The following GALNT18 variants were observed in gnomAD, a reference collection of about 807,000 sequenced individuals.
GALNT18 encodes the protein GalNAc-transferase 18.
A neutral mutation model predicts 69.5 loss-of-function variants in GALNT18; 44 were observed. The ratio of observed to expected loss-of-function variants is 0.63; its 90% CI spans 0.50 to 0.81. The LOEUF is 0.81. GALNT18 is among the 40% of genes least tolerant of loss of function. The pLI, the probability that GALNT18 is intolerant of heterozygous loss-of-function variation, is 0.00. For missense variants in GALNT18, 715 were observed against 810.0 expected (o/e 0.88, Z 1.42); for synonymous variants, 364 against 318.2 (o/e 1.14, Z -1.53).
At chr11:11,271,315 G>T in intron 10 of GALNT18, 25 bp from the exon 11 acceptor site, 1 of 1,607,548 alleles carries the variant, frequency 6.2e-7, no homozygotes, top group Non-Finnish European at 8.5e-7. Context: ...AGACAGTGGG[G>T]TCAGAGGGCA....
intron 1 of GALNT18, among the ~76,000 whole-genome samples, chr11:11,456,703 T>G (rs1306462272): frequency 6.6e-6 from 1 of 152,196 alleles, no homozygotes; most frequent in Non-Finnish European, 1.5e-5. Context: ...TGGGCCCCTG[T>G]GAATGAGAGT....
At chr11:11,481,501 G>C in intron 1 of GALNT18, among the ~76,000 whole-genome samples, 1 of 152,234 alleles carries the variant, frequency 6.6e-6, no homozygotes, top group East Asian at 1.9e-4. Context: ...ACTCAGTGTA[G>C]AGCACATGCC....
chr11:11,442,074 G>A lies in GALNT18; in HGVS notation c.428+6670C>T, dbSNP rs138068155. On this transcript the variant is annotated intron_variant, in intron 2 of 10. Coordinates refer to ENST00000227756, the MANE Select transcript of GALNT18 (RefSeq NM_198516.3). ...CAGAAGTCCAACACAGTTCTCGCTG[G>A]GCTGGAATCGGGGTGTGCAGCACTG... Among the ~76,000 whole-genome samples, 6 of 152,250 alleles carry A rather than the reference G, an allele frequency of 3.9e-5. No homozygotes were observed. The East Asian group carries it at 1.2e-3, about 29-fold the overall frequency.
chr11:11,355,388 A>G (rs1402841934), intron 6 of GALNT18, among the ~76,000 whole-genome samples: 1 of 152,128 alleles, frequency 6.6e-6, no homozygotes, highest in East Asian at 1.9e-4. Flanking sequence ...ACTATATTGG[A>G]GATGGGGCAT....
chr11:11,368,723 CT>C (rs558638613), intron 6 of GALNT18, among the ~76,000 whole-genome samples: 1 of 152,024 alleles, frequency 6.6e-6, no homozygotes, highest in Non-Finnish European at 1.5e-5. Flanking sequence ...TAGTGTCTTG[CT>C]TCTTATTCAT....
At chr11:11,484,163 G>A (rs774033754) in intron 1 of GALNT18, among the ~76,000 whole-genome samples, 7 of 152,108 alleles carry the variant, frequency 4.6e-5, no homozygotes, top group East Asian at 1.9e-4. Flanking sequence ...ATCAAAATTC[G>A]CCTAGCTGCT....
intron 6 of GALNT18, among the ~76,000 whole-genome samples, chr11:11,364,586 T>C (rs557716579): frequency 6.6e-6 from 1 of 150,912 alleles, no homozygotes; most frequent in African/African-American, 2.5e-5. Flanking sequence ...AGATATTCAG[T>C]AGATTATGGA....
At position 11,543,791 on chromosome 11, in the gene GALNT18, G is replaced by A. The variant is rs1857980560; in HGVS notation, c.235+77568C>T. On this transcript the variant is annotated intron_variant, in intron 1 of 10. Transcript: ENST00000227756. The surrounding 1 kb of genome is among the most constrained non-coding windows in gnomAD (Gnocchi z 5.1). ...GTGATGTGACTGGGGCCCCGAATGT[G>A]CCACGGTGGGTGGGTGTGGTTATTG... Among the ~76,000 whole-genome samples, 1 of 152,210 alleles carries A rather than the reference G, an allele frequency of 6.6e-6. No homozygotes were observed. Among genetic ancestry groups the A allele is most frequent in the Non-Finnish European group, 1.5e-5 (1 of 68,050 alleles).
Position 11,372,499 on chromosome 11 carries a change from G to C in GALNT18, c.1092+16C>G, listed in dbSNP as rs1005053699. 5 of 1,606,476 alleles carry C rather than the reference G, an allele frequency of 3.1e-6. No homozygotes were observed. In the Admixed American group the frequency reaches 5.0e-5, roughly 16 times the overall value. On this transcript the variant is annotated intron_variant, in intron 6 of 10. Coordinates refer to ENST00000227756, the MANE Select transcript of GALNT18 (RefSeq NM_198516.3). This position sits in a 1 kb window ranked among gnomAD's most constrained non-coding sequence, Gnocchi z 4.9. Reference sequence around the variant, plus strand: ...GGGAGCTGAGCCGAGCAGTTTGAGTGAGAAACCCCACTCACCCTGATCCCA... The same window carrying C: ...GGGAGCTGAGCCGAGCAGTTTGAGTCAGAAACCCCACTCACCCTGATCCCA...
intron 9 of GALNT18, among the ~76,000 whole-genome samples, chr11:11,325,053 C>A (rs1466560082): frequency 6.6e-6 from 1 of 152,218 alleles, no homozygotes; most frequent in African/African-American, 2.4e-5. Flanking sequence ...GATGCATGCA[C>A]ATGCATGTTT....
intron 1 of GALNT18, among the ~76,000 whole-genome samples, chr11:11,464,431 G>T (rs1590026205): frequency 1.3e-5 from 2 of 152,150 alleles, no homozygotes; most frequent in Admixed American, 6.5e-5. Context: ...GCACCCTGAT[G>T]CACAGCCTGT....
Position 11,546,926 on chromosome 11 carries a change from T to C in GALNT18, c.235+74433A>G, listed in dbSNP as rs927664635. Among the ~76,000 whole-genome samples, 1 of 151,530 alleles carries C rather than the reference T, an allele frequency of 6.6e-6. No homozygotes were observed. The highest frequency in any genetic ancestry group is 6.6e-5 in the Admixed American group (1 of 15,212). On this transcript the variant is annotated intron_variant, in intron 1 of 10. Transcript: ENST00000227756. This position sits in a 1 kb window ranked among gnomAD's most constrained non-coding sequence, Gnocchi z 5.8. ...GATGGGTAGGTGGATGGATATGGAA[T>C]CTTCTTTTTTTTTTTTTAACTCTTG...
chr11:11,341,181 T>C lies in GALNT18; in HGVS notation c.1093-177A>G, dbSNP rs1161785398. The stretch of plus-strand genomic sequence containing the variant: ...GATTTCTGCTCCTATAGCAGCAGGA[T>C]GGCTATGGAGTCATTAATTCATATA... On this transcript the variant is annotated intron_variant, in intron 6 of 10. Coordinates refer to ENST00000227756, the MANE Select transcript of GALNT18 (RefSeq NM_198516.3). This position sits in a 1 kb window ranked among gnomAD's most constrained non-coding sequence, Gnocchi z 6.3. Among the ~76,000 whole-genome samples the C allele has an allele frequency of 6.6e-6, 1 of 152,208 alleles. No individual in the cohort carries two copies. Among genetic ancestry groups the C allele is most frequent in the Admixed American group, 6.5e-5 (1 of 15,288 alleles).
In GALNT18 at chr11:11,421,661, T is replaced by C. The variant is rs1030625972; in HGVS notation, c.595+10960A>G. 4.6e-5 allele frequency among the ~76,000 whole-genome samples: 7 copies of C among 152,012 alleles called. No individual in the cohort carries two copies. The South Asian group carries it at 8.3e-4, about 18-fold the overall frequency. On this transcript the variant is annotated intron_variant, in intron 3 of 10. Coordinates refer to ENST00000227756, the MANE Select transcript of GALNT18 (RefSeq NM_198516.3). This position sits in a 1 kb window ranked among gnomAD's most constrained non-coding sequence, Gnocchi z 5.6. ...AAAGCTGGGGTTGCTGGCCAGCAGG[T>C]ACAGGGAAGTCATCCCAGGCTGCTG... is the stretch of plus-strand genomic sequence containing the variant.
At chr11:11,519,801 T>C (rs1857355621) in intron 1 of GALNT18, among the ~76,000 whole-genome samples, 1 of 152,200 alleles carries the variant, frequency 6.6e-6, no homozygotes, top group Admixed American at 6.5e-5. Context: ...CAGGAAAACC[T>C]GGAGGCCTGC....
intron 8 of GALNT18, among the ~76,000 whole-genome samples, chr11:11,331,736 C>T (rs529511887): frequency 1.3e-5 from 2 of 152,190 alleles, no homozygotes; most frequent in South Asian, 4.2e-4. Context: ...CTCTGTTTCC[C>T]CACCTGTGAC....
At chr11:11,535,744 T>C (rs2133947907) in intron 1 of GALNT18, among the ~76,000 whole-genome samples, 1 of 152,304 alleles carries the variant, frequency 6.6e-6, no homozygotes, top group South Asian at 2.1e-4. Context: ...GGAGTGATGG[T>C]GCTTTCAGCT....
rs1849789600 is a variant in GALNT18 at position 11,318,269 on chromosome 11, TC to T, written c.1512+8816del. Among the ~76,000 whole-genome samples, 1 of 152,200 alleles carries T rather than the reference TC, an allele frequency of 6.6e-6. No individual in the cohort carries two copies. Among genetic ancestry groups the T allele is most frequent in the Admixed American group, 6.5e-5 (1 of 15,278 alleles). ...TGTTAAAGTCCTAACCCCCAGTACC[TC>T]ATAATGTAATCTTATTTGGAAATAG... On this transcript the variant is annotated intron_variant, in intron 9 of 10. Transcript: ENST00000227756. The surrounding 1 kb of genome is among the most constrained non-coding windows in gnomAD (Gnocchi z 5.1).
At chr11:11,552,264 G>A (rs534208494) in intron 1 of GALNT18, among the ~76,000 whole-genome samples, 128 of 152,270 alleles carry the variant, frequency 8.4e-4, no homozygotes, top group Middle Eastern at 3.4e-3. Context: ...CACCTGCCAT[G>A]GCCAAAATCT....
Sources: gnomAD v4.1 joint callset for allele counts (sites outside exome capture counted in the v4.1 genomes callset) on GRCh38, gnomAD v4.1.1 for gene constraint, Gnocchi (gnomAD v3.1) non-coding constraint, MANE v1.5 for transcripts, NCBI Gene and HGNC (gene_info 2026-07-23, HGNC 2026-07-21) for gene names.